The following UBE3B variants were observed in gnomAD, a reference collection of about 807,000 sequenced individuals.
UBE3B encodes ubiquitin protein ligase E3B, also known as ubiquitin-protein ligase E3B.
Under a neutral mutation model 132.3 loss-of-function variants are expected in UBE3B, and 80 were observed. That is an observed-to-expected ratio of 0.60 (90% CI 0.50 to 0.73). The LOEUF (loss-of-function observed/expected upper bound fraction) is 0.73, where lower values mean the gene tolerates loss of function less well. Among genes scored for constraint, UBE3B ranks in the 30% least tolerant of loss-of-function variants. UBE3B has a pLI of 0.00. For synonymous variants in UBE3B, 487 were observed against 520.4 expected (o/e 0.94, Z 0.87); for missense variants, 1,196 against 1,362.5 (o/e 0.88, Z 1.92).
intron 18 of UBE3B, among the ~76,000 whole-genome samples, chr12:109,514,906 TTTC>T (rs541097940): frequency 1.4e-3 from 217 of 151,516 alleles, no homozygotes; most frequent in African/African-American, 5.0e-3. Flanking sequence ...TACCATCCCC[TTTC>T]TTCTTCTTTT....
the UBE3B span, among the ~76,000 whole-genome samples, chr12:109,545,575 C>T: frequency 6.6e-6 from 1 of 152,188 alleles, no homozygotes; most frequent in African/African-American, 2.4e-5. Context: ...AGTTAAGTGG[C>T]AGAGCCAGGA....
rs1291697315 is a variant in UBE3B at position 109,510,558 on chromosome 12, C to T, written c.1856+100C>T. ...TGTTCTAGGGCAGAGAGGACTTTTT[C>T]CCTCTGCTTCATTTTGTCTGTTCAT... On this transcript the variant is annotated intron_variant, in intron 17 of 27. Coordinates refer to ENST00000342494, the MANE Select transcript of UBE3B (RefSeq NM_130466.4). The T allele has an allele frequency of 7.7e-6, 7 of 904,522 alleles. No homozygotes were observed. The African/African-American group carries it at 9.9e-5, about 13-fold the overall frequency. 56.0% of individuals were successfully genotyped at this position (904,522 alleles called of 1,614,324 possible).
chr12:109,546,839 G>T, the UBE3B span, among the ~76,000 whole-genome samples: 1 of 151,864 alleles, frequency 6.6e-6, no homozygotes, highest in Non-Finnish European at 1.5e-5. Flanking sequence ...CCTCCCGAGT[G>T]GCTGGAACTA....
intron 9 of UBE3B, 129 bp from the exon 10 acceptor site, chr12:109,497,689 C>T: frequency 5.6e-6 from 5 of 889,920 alleles, no homozygotes; most frequent in East Asian, 2.5e-5. Flanking sequence ...TCCCCAATTT[C>T]AGCCTTCAGT....
intron 12 of UBE3B, among the ~76,000 whole-genome samples, chr12:109,501,107 G>GC (rs1291890619): frequency 1.3e-5 from 2 of 152,240 alleles, no homozygotes; most frequent in Non-Finnish European, 2.9e-5. Context: ...CTGGGTGGTA[G>GC]CAAGTGTCTT....
chr12:109,526,439 TAAGGTCACCACTTGAA>T, intron 24 of UBE3B, 23 bp downstream of exon 24: 1 of 1,611,052 alleles, frequency 6.2e-7, no homozygotes, highest in Non-Finnish European at 8.5e-7. Flanking sequence ...ATTAGGTTTT[TAAGGTCACCACTTGAA>T]AAGACTTCAT....
intron 1 of UBE3B, among the ~76,000 whole-genome samples, chr12:109,478,599 G>A (rs1874756428): frequency 6.6e-6 from 1 of 152,164 alleles, no homozygotes; most frequent in South Asian, 2.1e-4. Context: ...TGGCCAACAT[G>A]GTGAAACCGC....
At chr12:109,528,943 G>A (rs757964808) in intron 24 of UBE3B, among the ~76,000 whole-genome samples, 14 of 152,066 alleles carry the variant, frequency 9.2e-5, no homozygotes, top group Non-Finnish European at 1.6e-4. Context: ...CAGATCACCC[G>A]AGGTCAGGAG....
In UBE3B at chr12:109,533,747, C is replaced by T. The variant is rs1405977127; in HGVS notation, c.3015+189C>T. On this transcript the variant is annotated intron_variant, in intron 27 of 27. Transcript: ENST00000342494. The stretch of plus-strand genomic sequence containing the variant: ...ACCAGCCAGCCCCAGAGAGACTGCC[C>T]ACGGACTCAGCCCTCTCTCGGCAGC... 3.6e-6 allele frequency: 3 copies of T among 824,702 alleles called. No homozygotes were observed. In the South Asian group the frequency reaches 4.3e-5, roughly 12 times the overall value. 51.1% of individuals were successfully genotyped at this position (824,702 alleles called of 1,614,324 possible). A position where few individuals can be genotyped will look rare whatever the true frequency, so the allele number is the denominator to read the frequency against.
rs370590020 is a variant in UBE3B, at chr12:109,510,435, C to T, written c.1833C>T (p.Thr611=). Residue 611 remains threonine (T), a synonymous_variant, in exon 17 of 28, where the codon ACC becomes ACT. Transcript: ENST00000342494. ...LYERDCRRRF[T]PEDHWLRKDL... ...AGCGGGACTGCCGGCGGCGCTTCACCCCCGAGGACCACTGGCTGCGAAAGT... is the reference window on the plus strand; with the variant it reads ...AGCGGGACTGCCGGCGGCGCTTCACTCCCGAGGACCACTGGCTGCGAAAGT... 6.2e-7 allele frequency: 1 copy of T among 1,612,262 alleles called. No individual in the cohort carries two copies. Among genetic ancestry groups the T allele is most frequent in the Non-Finnish European group, 8.5e-7 (1 of 1,179,410 alleles).
At chr12:109,537,123 T>C (rs1164396154), downstream of UBE3B, among the ~76,000 whole-genome samples, 2 of 152,170 alleles carry the variant, frequency 1.3e-5, no homozygotes, top group African/African-American at 2.4e-5. Context: ...GTGCTAAGAT[T>C]ACTGGCATGA....
At chr12:109,497,770 G>A (rs1250067793) in intron 9 of UBE3B, 48 bp from the exon 10 acceptor site, 2 of 1,581,142 alleles carry the variant, frequency 1.3e-6, no homozygotes, top group South Asian at 1.1e-5. Flanking sequence ...CTTTTGTTCT[G>A]GATGCACACG....
rs33995372 is a variant in UBE3B, at chr12:109,536,490, CAAG to C, written c.*1709_*1711del. The C allele has an allele frequency of 0.38, 58,116 of 151,768 alleles. 11,619 individuals are homozygous for C. Among genetic ancestry groups the C allele is most frequent in the African/African-American group, 0.49 (20,429 of 41,288 alleles). 9.4% of individuals were successfully genotyped at this position (151,768 alleles called of 1,614,324 possible). A position where few individuals can be genotyped will look rare whatever the true frequency, so the allele number is the denominator to read the frequency against. ...ATATCAACTTCATGTGGATTTTTGA[CAAG>C]GAGGGGTAGTTTGTAATTTCATTTA... On this transcript the variant is annotated 3_prime_UTR_variant, in exon 28 of 28. Transcript: ENST00000342494.
At chr12:109,540,314 C>T (rs1392817648), downstream of UBE3B, among the ~76,000 whole-genome samples, 2 of 152,116 alleles carry the variant, frequency 1.3e-5, no homozygotes, top group African/African-American at 4.8e-5. Flanking sequence ...CTCAAGCAAT[C>T]CTCCCACCTC....
chr12:109,530,288 G>A (rs1882814041), intron 25 of UBE3B, among the ~76,000 whole-genome samples: 2 of 152,236 alleles, frequency 1.3e-5, no homozygotes, highest in African/African-American at 4.8e-5. Context: ...GGGGTTCTCT[G>A]AAGCTCTAGG....
intron 12 of UBE3B, among the ~76,000 whole-genome samples, chr12:109,500,183 C>T (rs1878783315): frequency 6.6e-6 from 1 of 152,104 alleles, no homozygotes; most frequent in Admixed American, 6.5e-5. Flanking sequence ...TAAAACAAGA[C>T]AAATGATTCA....
intron 27 of UBE3B, chr12:109,533,890 G>A (rs2136150883): frequency 7.5e-7 from 1 of 1,333,536 alleles, no homozygotes. Flanking sequence ...GAGAAAGTGA[G>A]AGAGTGGGCT....
chr12:109,491,191 C>CT, intron 9 of UBE3B, 64 bp downstream of exon 9: 1 of 1,513,328 alleles, frequency 6.6e-7, no homozygotes, highest in Non-Finnish European at 9.1e-7. Flanking sequence ...CTTGGTTTTT[C>CT]TTTCTCTCGT....
Position 109,523,428 on chromosome 12 carries a change from A to C in UBE3B, c.2365-550A>C, listed in dbSNP as rs139807522. The stretch of plus-strand genomic sequence containing the variant: ...CTCCCTGACCTGGCCCTGCATCCTC[A>C]TTGGACATAGCTTCCATTGCTTCCG... On this transcript the variant is annotated intron_variant, in intron 21 of 27. Transcript: ENST00000342494. Among the ~76,000 whole-genome samples the C allele has an allele frequency of 2.0e-3, 312 of 152,252 alleles. 1 individual carries two copies. Among genetic ancestry groups the C allele is most frequent in the African/African-American group, 7.3e-3 (305 of 41,548 alleles).
Sources: allele counts gnomAD v4.1 joint callset (sites outside exome capture counted in the v4.1 genomes callset), GRCh38; gene constraint gnomAD v4.1.1; transcripts MANE v1.5; gene names NCBI Gene and HGNC (gene_info 2026-07-23, HGNC 2026-07-21).